Variants in CCDC178 observed in about 807,000 individuals in gnomAD.
CCDC178 encodes coiled-coil domain-containing protein 178.
CCDC178 carries 126 observed loss-of-function variants against 117.4 expected under a neutral mutation model. That is an observed-to-expected ratio of 1.07 (90% confidence interval 0.93 to 1.24). The LOEUF (loss-of-function observed/expected upper bound fraction) is 1.24, where lower values mean the gene tolerates loss of function less well. CCDC178 is among the 50% of genes most tolerant of loss of function. The pLI is 0.00. For synonymous variants in CCDC178, 283 were observed against 313.4 expected (o/e 0.90, Z 1.02); for missense variants, 1,030 against 986.9 (o/e 1.04, Z -0.59).
chr18:32,984,815 C>T (rs1243937186), intron 21 of CCDC178, among the ~76,000 whole-genome samples: 1 of 151,974 alleles, frequency 6.6e-6, no homozygotes, highest in East Asian at 1.9e-4. Context: ...ATTACACTGT[C>T]AAACATAGAG....
intron 20 of CCDC178, among the ~76,000 whole-genome samples, chr18:33,181,801 A>G (rs1025545228): frequency 2.0e-5 from 3 of 151,868 alleles, no homozygotes; most frequent in Non-Finnish European, 4.4e-5. Flanking sequence ...AACTACATAA[A>G]CTTTATTAAT....
intron 12 of CCDC178, among the ~76,000 whole-genome samples, chr18:33,278,512 T>C (rs1230720130): frequency 8.6e-5 from 13 of 151,924 alleles, no homozygotes; most frequent in Admixed American, 8.5e-4. Context: ...ATTTTATGCC[T>C]AAACATAAAA....
intron 20 of CCDC178, among the ~76,000 whole-genome samples, chr18:33,186,859 T>A (rs1240547590): frequency 6.6e-6 from 1 of 152,080 alleles, no homozygotes; most frequent in East Asian, 1.9e-4. Context: ...GCACTGACTC[T>A]TACTTTTAGA....
At chr18:33,196,545 T>C (rs2144538856) in intron 20 of CCDC178, among the ~76,000 whole-genome samples, 1 of 152,242 alleles carries the variant, frequency 6.6e-6, no homozygotes, top group Middle Eastern at 3.4e-3. Flanking sequence ...ACCCCTAAAT[T>C]TGTAGCCAAC....
intron 20 of CCDC178, among the ~76,000 whole-genome samples, chr18:33,194,919 A>G (rs2058908415): frequency 7.2e-6 from 1 of 139,548 alleles, no homozygotes; most frequent in African/African-American, 2.8e-5. Flanking sequence ...AAAAAAAAAA[A>G]GAGAGAGAGA....
intron 21 of CCDC178, among the ~76,000 whole-genome samples, chr18:33,010,357 A>G (rs2055839552): frequency 6.6e-6 from 1 of 152,170 alleles, no homozygotes; most frequent in Non-Finnish European, 1.5e-5. Context: ...AGCAGGAGAA[A>G]TTCTTGATGT....
At chr18:33,307,142 G>A (rs1004639458) in intron 11 of CCDC178, among the ~76,000 whole-genome samples, 10 of 152,194 alleles carry the variant, frequency 6.6e-5, no homozygotes, top group Admixed American at 4.6e-4. Flanking sequence ...AAGCATACCT[G>A]AAGATGTGGA....
At chr18:33,171,560 C>T (rs1455853419) in intron 20 of CCDC178, among the ~76,000 whole-genome samples, 4 of 152,162 alleles carry the variant, frequency 2.6e-5, no homozygotes, top group African/African-American at 4.8e-5. Flanking sequence ...ATTACTGAAT[C>T]GCAGTTTTGA....
chr18:33,132,903 G>T (rs968978693), intron 20 of CCDC178, among the ~76,000 whole-genome samples: 1 of 151,766 alleles, frequency 6.6e-6, no homozygotes, highest in African/African-American at 2.4e-5. Flanking sequence ...CTTTGCAACA[G>T]ATTTCGATTC....
rs2063056915 is a variant in CCDC178, at chr18:33,356,350, TCAAAA to T, written c.349-9_349-5del. The T allele has an allele frequency of 6.8e-7, 1 of 1,480,756 alleles. No individual in the cohort carries two copies. The highest frequency in any genetic ancestry group is 1.3e-5 in the South Asian group (1 of 79,712). 91.7% of individuals were successfully genotyped at this position (1,480,756 alleles called of 1,614,324 possible). On this transcript the variant is annotated splice_polypyrimidine_tract_variant and splice_region_variant and intron_variant, in intron 6 of 22. Transcript: ENST00000383096. ...ATTCTTCAAAAGAAGTTTCAAACTG[TCAAAA>T]CAAAAGATCTCAATAAAAATCAAAT... is the stretch of plus-strand genomic sequence containing the variant.
chr18:33,139,313 A>C (rs1409785656), intron 20 of CCDC178, among the ~76,000 whole-genome samples: 1 of 152,200 alleles, frequency 6.6e-6, no homozygotes, highest in Non-Finnish European at 1.5e-5. Context: ...TGCTGAAAAG[A>C]TACCCAAAAT....
chr18:33,097,429 G>T (rs1191461894), intron 20 of CCDC178, among the ~76,000 whole-genome samples: 1 of 152,086 alleles, frequency 6.6e-6, no homozygotes, highest in Non-Finnish European at 1.5e-5. Context: ...TCCCCGCTCG[G>T]CCTTGTCCAA....
At chr18:32,959,812 C>G (rs967586251) in intron 22 of CCDC178, among the ~76,000 whole-genome samples, 1 of 151,930 alleles carries the variant, frequency 6.6e-6, no homozygotes, top group African/African-American at 2.4e-5. Context: ...TCCTCTCCCC[C>G]ACACCATTGA....
At chr18:33,188,451 A>G in intron 20 of CCDC178, among the ~76,000 whole-genome samples, 1 of 152,170 alleles carries the variant, frequency 6.6e-6, no homozygotes, top group Non-Finnish European at 1.5e-5. Flanking sequence ...TAATCACATG[A>G]GACCTTAAAA....
At chr18:32,945,150 T>C (rs554857459) in intron 22 of CCDC178, among the ~76,000 whole-genome samples, 5 of 152,200 alleles carry the variant, frequency 3.3e-5, no homozygotes, top group Non-Finnish European at 7.3e-5. Flanking sequence ...CTTGGAATTG[T>C]AGGCTATATG....
intron 21 of CCDC178, among the ~76,000 whole-genome samples, chr18:32,996,756 C>A (rs968406861): frequency 6.6e-5 from 10 of 151,884 alleles, no homozygotes; most frequent in African/African-American, 2.4e-4. Flanking sequence ...TTTAAAAAAT[C>A]TGGATGCACT....
chr18:33,080,456 G>A (rs748633388), intron 21 of CCDC178, among the ~76,000 whole-genome samples: 5 of 152,038 alleles, frequency 3.3e-5, no homozygotes, highest in Admixed American at 6.6e-5. Context: ...CTGGACAGAC[G>A]CATACAAAGG....
chr18:33,070,052 G>C (rs554505144), intron 21 of CCDC178, among the ~76,000 whole-genome samples: 13 of 151,956 alleles, frequency 8.6e-5, no homozygotes, highest in Non-Finnish European at 1.5e-4. Flanking sequence ...CAGAGAAAAG[G>C]GAACTCTTAT....
chr18:33,021,010 C>T (rs568682495), intron 21 of CCDC178, among the ~76,000 whole-genome samples: 4 of 152,298 alleles, frequency 2.6e-5, no homozygotes, highest in East Asian at 3.9e-4. Context: ...TTTCATATTT[C>T]TCACGTAGGA....
Sources: gnomAD v4.1 joint callset for allele counts (sites outside exome capture counted in the v4.1 genomes callset) on GRCh38, gnomAD v4.1.1 for gene constraint, MANE v1.5 for transcripts, NCBI Gene and HGNC (gene_info 2026-07-23, HGNC 2026-07-21) for gene names.